Variants in TFCP2 observed in about 807,000 individuals in gnomAD.
TFCP2 encodes transcription factor CP2.
TFCP2 carries 33 observed loss-of-function variants against 73.4 expected under a neutral mutation model. That is an observed-to-expected ratio of 0.45 (90% CI 0.34 to 0.60). The LOEUF is 0.60. Ranked by LOEUF, TFCP2 falls within the 20% of genes least tolerant of loss-of-function variation. The pLI is 0.01. For missense variants in TFCP2, 352 were observed against 604.0 expected, an observed-to-expected ratio of 0.58 and a Z score of 4.37; for synonymous variants, 193 against 211.6, an observed-to-expected ratio of 0.91 and a Z score of 0.76.
chr12:51,150,056 T>C (rs2137028278), intron 1 of TFCP2, among the ~76,000 whole-genome samples: 1 of 152,334 alleles, frequency 6.6e-6, no homozygotes, highest in South Asian at 2.1e-4. Flanking sequence ...GGCAACATTA[T>C]CCTGAATTTG....
At chr12:51,112,053 G>A (rs564706876) in intron 4 of TFCP2, among the ~76,000 whole-genome samples, 4 of 152,208 alleles carry the variant, frequency 2.6e-5, no homozygotes, top group Admixed American at 2.6e-4. Flanking sequence ...AGCTACCTGA[G>A]AGGCTGAGGC....
At chr12:51,117,578 G>C in intron 3 of TFCP2, 93 bp downstream of exon 3, 1 of 972,702 alleles carries the variant, frequency 1.0e-6, no homozygotes, top group East Asian at 2.6e-5. Context: ...TAAGCCATTG[G>C]AAGCAAAAGA....
At chr12:51,101,841 G>T (rs1940116201) in intron 11 of TFCP2, 94 bp downstream of exon 11, 1 of 697,592 alleles carries the variant, frequency 1.4e-6, no homozygotes, top group Non-Finnish European at 2.5e-6. Context: ...TTTTGAGAAG[G>T]TGTATTTAGC....
At position 51,172,460 on chromosome 12, in the gene TFCP2, G is replaced by C; in HGVS notation, c.-38C>G. The C allele has an allele frequency of 1.2e-6, 2 of 1,611,824 alleles. No individual in the cohort carries two copies. The highest frequency in any genetic ancestry group is 1.7e-6 in the Non-Finnish European group (2 of 1,179,232). The stretch of plus-strand genomic sequence containing the variant: ...CTTGCCCCAGGAGACACCGTGTCTT[G>C]TACAAAGGCGCGGAGGGTAATTCTA... On this transcript the variant is annotated 5_prime_UTR_variant, in exon 1 of 15. Coordinates refer to ENST00000257915, the MANE Select transcript of TFCP2 (RefSeq NM_005653.5).
chr12:51,099,706 G>A lies in TFCP2; in HGVS notation c.1225C>T (p.Gln409Ter). The change falls in exon 12 of 15, where the codon CAG becomes TAG. Residue 409 changes from glutamine to a stop codon, truncating the protein, a stop_gained. Coordinates refer to ENST00000257915, the MANE Select transcript of TFCP2 (RefSeq NM_005653.5). LOFTEE classifies it high-confidence loss of function. Reference sequence around the variant, plus strand: ...TCCTCATGCTTCTGCTGCTGTTGCTGCTGCTGTTGTTGCTGCTCCCTCAAC... The same window carrying A: ...TCCTCATGCTTCTGCTGCTGTTGCTACTGCTGTTGTTGCTGCTCCCTCAAC... ...LQLREQQQQQ[Q>*]QQQQKHEDGD... 6.2e-7 allele frequency: 1 copy of A among 1,614,154 alleles called. No individual in the cohort carries two copies. The highest frequency in any genetic ancestry group is 8.5e-7 in the Non-Finnish European group (1 of 1,180,030).
intron 4 of TFCP2, among the ~76,000 whole-genome samples, chr12:51,112,914 A>G (rs978798275): frequency 3.3e-5 from 5 of 152,178 alleles, no homozygotes; most frequent in South Asian, 2.1e-4. Flanking sequence ...CAAGTCATCA[A>G]ATAATCCTAT....
intron 1 of TFCP2, among the ~76,000 whole-genome samples, chr12:51,141,502 T>C (rs574501796): frequency 6.6e-5 from 10 of 152,302 alleles, no homozygotes; most frequent in African/African-American, 2.4e-4. Flanking sequence ...AAGGATCTTC[T>C]TTGTCTTGTC....
chr12:51,132,999 A>G (rs1940982494), intron 1 of TFCP2, among the ~76,000 whole-genome samples: 1 of 152,314 alleles, frequency 6.6e-6, no homozygotes, highest in African/African-American at 2.4e-5. Flanking sequence ...TTGAGCCACT[A>G]AGTTTTTGTG....
At chr12:51,128,707 A>T (rs1457550556) in intron 1 of TFCP2, among the ~76,000 whole-genome samples, 2 of 152,214 alleles carry the variant, frequency 1.3e-5, no homozygotes, top group East Asian at 3.8e-4. Flanking sequence ...AGACAACTAT[A>T]CAACTGTACC....
chr12:51,153,766 G>C (rs1449234470), intron 1 of TFCP2, among the ~76,000 whole-genome samples: 4 of 152,098 alleles, frequency 2.6e-5, no homozygotes, highest in Non-Finnish European at 4.4e-5. Flanking sequence ...TCCATCATAT[G>C]TATACATTAT....
At chr12:51,131,008 C>T (rs1394471163) in intron 1 of TFCP2, among the ~76,000 whole-genome samples, 3 of 149,240 alleles carry the variant, frequency 2.0e-5, no homozygotes, top group Non-Finnish European at 4.5e-5. Flanking sequence ...ATTATTTGTA[C>T]ATTTGTGTAC....
In TFCP2 at chr12:51,116,101, T is replaced by C. The variant is rs116997839; in HGVS notation, c.457+214A>G. Among the ~76,000 whole-genome samples, 576 of 152,344 alleles carry C rather than the reference T, an allele frequency of 3.8e-3. 1 individual carries two copies. The highest frequency in any genetic ancestry group is 0.035 in the East Asian group (184 of 5,192). ...AAAAACAACAAAATCAACCTATAGT[T>C]GCTATGGAACTAAAGTGTTTACACT... On this transcript the variant is annotated intron_variant, in intron 4 of 14. Transcript: ENST00000257915.
At chr12:51,111,652 G>A (rs1431079247) in intron 4 of TFCP2, among the ~76,000 whole-genome samples, 8 of 149,586 alleles carry the variant, frequency 5.3e-5, no homozygotes, top group African/African-American at 2.0e-4. Flanking sequence ...TCAGGAGTTC[G>A]AGACCAGCCT....
intron 1 of TFCP2, among the ~76,000 whole-genome samples, chr12:51,147,969 A>T (rs891283822): frequency 1.3e-5 from 2 of 152,226 alleles, no homozygotes; most frequent in Non-Finnish European, 2.9e-5. Flanking sequence ...CCCATCAAAA[A>T]GTGGCTAAGG....
chr12:51,105,738 C>T (rs184403257), intron 8 of TFCP2, among the ~76,000 whole-genome samples: 10 of 152,098 alleles, frequency 6.6e-5, no homozygotes, highest in Middle Eastern at 3.2e-3. Context: ...TTAATTGTTA[C>T]GTTTTAAATA....
At chr12:51,120,909 CAAAAA>C (rs35941534) in intron 1 of TFCP2, among the ~76,000 whole-genome samples, 3 of 78,728 alleles carry the variant, frequency 3.8e-5, no homozygotes, top group Non-Finnish European at 7.4e-5. Context: ...GACTGTGTCT[CAAAAA>C]AAAAAAAAAA....
intron 1 of TFCP2, among the ~76,000 whole-genome samples, chr12:51,121,561 G>C (rs1217435807): frequency 6.7e-6 from 1 of 150,338 alleles, no homozygotes; most frequent in Non-Finnish European, 1.5e-5. Flanking sequence ...CACCTCCCGG[G>C]TTCAAGTGAC....
At chr12:51,140,075 C>T (rs140512575) in intron 1 of TFCP2, among the ~76,000 whole-genome samples, 6 of 152,168 alleles carry the variant, frequency 3.9e-5, no homozygotes, top group African/African-American at 1.4e-4. Flanking sequence ...TGTTTATCAA[C>T]ACTCAATGCC....
At chr12:51,143,844 C>T (rs1182291266) in intron 1 of TFCP2, among the ~76,000 whole-genome samples, 1 of 152,044 alleles carries the variant, frequency 6.6e-6, no homozygotes, top group East Asian at 1.9e-4. Flanking sequence ...TTTGACCCAG[C>T]AACAAAAGTA....
Sources: gnomAD v4.1 joint callset for allele counts (sites outside exome capture counted in the v4.1 genomes callset) on GRCh38, gnomAD v4.1.1 for gene constraint, MANE v1.5 for transcripts, NCBI Gene and HGNC (gene_info 2026-07-23, HGNC 2026-07-21) for gene names.